SSBP3: variants seen among roughly 807,000 people sequenced by gnomAD.
SSBP3 encodes the protein single-stranded DNA-binding protein 3.
In SSBP3, 5 loss-of-function variants were observed where a neutral mutation model predicts 69.6. The ratio of observed to expected loss-of-function variants is 0.07; its 90% CI spans 0.04 to 0.15. The LOEUF (loss-of-function observed/expected upper bound fraction) is 0.15. Ranked by LOEUF, SSBP3 falls within the 10% of genes least tolerant of loss-of-function variation. SSBP3 has a pLI of 1.00. For synonymous variants in SSBP3, 196 were observed against 193.4 expected, an observed-to-expected ratio of 1.01 and a Z score of -0.11; for missense variants, 312 against 534.0, an observed-to-expected ratio of 0.58 and a Z score of 4.10.
intron 4 of SSBP3, among the ~76,000 whole-genome samples, chr1:54,349,152 G>A (rs956639552): frequency 1.3e-5 from 2 of 152,162 alleles, no homozygotes; most frequent in South Asian, 4.1e-4. Context: ...ATAATGTTGG[G>A]CACATCAAAA....
At chr1:54,280,539 G>C (rs910594896) in intron 5 of SSBP3, among the ~76,000 whole-genome samples, 2 of 152,192 alleles carry the variant, frequency 1.3e-5, no homozygotes, top group Admixed American at 6.5e-5. Context: ...AAGGTGTGGA[G>C]AACTCGGGCG....
At chr1:54,242,716 G>A (rs747531566) in intron 10 of SSBP3, 1 of 163,660 alleles carries the variant, frequency 6.1e-6, no homozygotes, top group Non-Finnish European at 1.3e-5. Context: ...GTGGGAGGCT[G>A]AGGCGGGCAG....
intron 4 of SSBP3, among the ~76,000 whole-genome samples, chr1:54,341,744 G>A (rs1054482108): frequency 3.3e-5 from 5 of 152,012 alleles, no homozygotes; most frequent in Non-Finnish European, 7.4e-5. Flanking sequence ...GGAGCCAAGT[G>A]GGTACATGAC....
At chr1:54,352,431 C>G (rs923368596) in intron 4 of SSBP3, among the ~76,000 whole-genome samples, 1 of 152,178 alleles carries the variant, frequency 6.6e-6, no homozygotes, top group African/African-American at 2.4e-5. Context: ...CTCCATAAAA[C>G]ACCCCTGAGG....
intron 4 of SSBP3, among the ~76,000 whole-genome samples, chr1:54,365,349 CGTGT>C (rs151153722): frequency 5.3e-5 from 8 of 151,284 alleles, no homozygotes; most frequent in African/African-American, 1.2e-4. Context: ...GAAAGGTGTG[CGTGT>C]GTGTGTGTGT....
At chr1:54,228,103 A>T in intron 17 of SSBP3, 152 bp downstream of exon 17, 1 of 760,768 alleles carries the variant, frequency 1.3e-6, no homozygotes, top group Middle Eastern at 3.8e-4. Context: ...AAGGCTGCAC[A>T]CTTCTGCTAA....
At chr1:54,381,383 A>G (rs1468111217) in intron 4 of SSBP3, among the ~76,000 whole-genome samples, 1 of 30,958 alleles carries the variant, frequency 3.2e-5, no homozygotes, top group African/African-American at 2.7e-4. Context: ...ACACCATCTC[A>G]AAAAAAAAAA....
At chr1:54,241,634 A>C (rs1377691370) in intron 11 of SSBP3, 125 bp from the exon 12 acceptor site, 1 of 1,007,930 alleles carries the variant, frequency 9.9e-7, no homozygotes, top group East Asian at 2.5e-5. Flanking sequence ...CTGGCCACCC[A>C]CTTGGTTCCC....
intron 5 of SSBP3, among the ~76,000 whole-genome samples, chr1:54,273,824 G>A (rs1057234552): frequency 6.6e-6 from 1 of 152,226 alleles, no homozygotes; most frequent in African/African-American, 2.4e-5. Context: ...GTAACTAGAG[G>A]AGGGGCTGCC....
In SSBP3 at chr1:54,337,485, CTTTTTTTTTTTT is replaced by C. The variant is rs869039822; in HGVS notation, c.277-55970_277-55959del. Among the ~76,000 whole-genome samples, 58 of 51,162 alleles carry C rather than the reference CTTTTTTTTTTTT, an allele frequency of 1.1e-3. 1 individual carries two copies. Among genetic ancestry groups the C allele is most frequent in the African/African-American group, 4.5e-3 (46 of 10,174 alleles). The allele number at this position is 51,162 out of a possible 152,430, so 33.6% of individuals were successfully genotyped here. ...ACCAAAGCATTTTGTTTTCCTCAAG[CTTTTTTTTTTTT>C]TTTTTTTTTTTTTTTTTTGAGATGG... On this transcript the variant is annotated intron_variant, in intron 4 of 17. Transcript: ENST00000610401.
At chr1:54,386,091 T>C (rs1648059057) in intron 4 of SSBP3, among the ~76,000 whole-genome samples, 1 of 152,150 alleles carries the variant, frequency 6.6e-6, no homozygotes, top group South Asian at 2.1e-4. Flanking sequence ...ATCCAGAAAG[T>C]AGAGACTGTG....
chr1:54,303,117 C>T (rs1050709220), intron 4 of SSBP3, among the ~76,000 whole-genome samples: 2 of 152,176 alleles, frequency 1.3e-5, no homozygotes, highest in African/African-American at 2.4e-5. Context: ...CGAGGCACAC[C>T]GCGCTAATTA....
intron 4 of SSBP3, among the ~76,000 whole-genome samples, chr1:54,372,244 G>T (rs903493109): frequency 6.6e-6 from 1 of 152,220 alleles, no homozygotes; most frequent in Non-Finnish European, 1.5e-5. Flanking sequence ...TGGTCTGGAG[G>T]ATTAAACTAC....
At chr1:54,376,015 G>A (rs940863658) in intron 4 of SSBP3, among the ~76,000 whole-genome samples, 1 of 152,046 alleles carries the variant, frequency 6.6e-6, no homozygotes, top group South Asian at 2.1e-4. Flanking sequence ...AGGGAGGGAG[G>A]GGGAGGAAAG....
chr1:54,306,378 A>G (rs1309992754), intron 4 of SSBP3, among the ~76,000 whole-genome samples: 1 of 152,234 alleles, frequency 6.6e-6, no homozygotes, highest in South Asian at 2.1e-4. Context: ...ACAGGAGTAC[A>G]GTTTCAGTCC....
chr1:54,397,523 G>GC lies in SSBP3; in HGVS notation c.276+4337_276+4338insG, dbSNP rs1024663599. Among the ~76,000 whole-genome samples, 55 of 152,300 alleles carry GC rather than the reference G, an allele frequency of 3.6e-4. 1 individual carries two copies. The Middle Eastern group carries it at 0.014, about 38-fold the overall frequency. Reference sequence around the variant, plus strand: ...CCCTCTGCTGAGGGAGGAGTCAGCAGTCTTGTTGGGGTGGGAGAGCAGAGT... The same window carrying GC: ...CCCTCTGCTGAGGGAGGAGTCAGCAGCTCTTGTTGGGGTGGGAGAGCAGAGT... On this transcript the variant is annotated intron_variant, in intron 4 of 17. Transcript: ENST00000610401.
At chr1:54,366,643 G>C (rs1342060120) in intron 4 of SSBP3, among the ~76,000 whole-genome samples, 1 of 152,128 alleles carries the variant, frequency 6.6e-6, no homozygotes, top group Non-Finnish European at 1.5e-5. Context: ...ATGCACAGGA[G>C]GACAGTGAAG....
chr1:54,314,677 T>C (rs970658444), intron 4 of SSBP3, among the ~76,000 whole-genome samples: 1 of 152,230 alleles, frequency 6.6e-6, no homozygotes, highest in Non-Finnish European at 1.5e-5. Context: ...AAAAGGGACC[T>C]CAAAGGGCTC....
intron 4 of SSBP3, among the ~76,000 whole-genome samples, chr1:54,297,162 T>C (rs1645717314): frequency 6.6e-6 from 1 of 152,160 alleles, no homozygotes; most frequent in Non-Finnish European, 1.5e-5. Flanking sequence ...AGAAGGAAGA[T>C]TTAAGTAATG....
Sources: gnomAD v4.1 joint callset for allele counts (sites outside exome capture counted in the v4.1 genomes callset) on GRCh38, gnomAD v4.1.1 for gene constraint, MANE v1.5 for transcripts, NCBI Gene and HGNC (gene_info 2026-07-23, HGNC 2026-07-21) for gene names.